The following CNKSR2 variants were observed in gnomAD, a reference collection of about 807,000 sequenced individuals.
The protein encoded by CNKSR2 is CNK homolog protein 2.
A neutral mutation model predicts 84.4 loss-of-function variants in CNKSR2; 14 were observed. The ratio of observed to expected loss-of-function variants is 0.17; its 90% CI spans 0.11 to 0.26. The LOEUF is 0.26. CNKSR2 is among the 10% of genes least tolerant of loss of function. The pLI, the probability that CNKSR2 is intolerant of heterozygous loss-of-function variation, is 1.00. For missense variants in CNKSR2, 485 were observed against 771.2 expected (o/e 0.63, Z 4.40); for synonymous variants, 275 against 277.9 (o/e 0.99, Z 0.10).
intron 21 of CNKSR2, among the ~76,000 whole-genome samples, chrX:21,650,299 ATCATCC>A (rs748752188): frequency 9.1e-6 from 1 of 109,949 alleles, no homozygotes; most frequent in East Asian, 2.9e-4. Flanking sequence ...GCTGGAAACC[ATCATCC>A]TCAGCAAACT....
At chrX:21,585,039 C>T (rs777738495) in intron 13 of CNKSR2, among the ~76,000 whole-genome samples, 42 of 107,876 alleles carry the variant, frequency 3.9e-4, no homozygotes, top group African/African-American at 4.7e-4. Context: ...CCCAGGAGTT[C>T]GAGACCAGCC....
At chrX:21,614,643 T>C (rs2092568387) in intron 20 of CNKSR2, among the ~76,000 whole-genome samples, 1 of 111,834 alleles carries the variant, frequency 8.9e-6, no homozygotes. Flanking sequence ...TATTGTCTGA[T>C]TTTGAAGAAA....
At chrX:21,647,148 T>C (rs186952319) in intron 20 of CNKSR2, among the ~76,000 whole-genome samples, 109 of 112,263 alleles carry the variant, frequency 9.7e-4, no homozygotes, top group African/African-American at 3.3e-3. Context: ...GTGATTTTTG[T>C]ATTTTTAGAT....
chrX:21,493,981 A>G (rs2091467586), intron 6 of CNKSR2: 1 of 111,812 alleles, frequency 8.9e-6, no homozygotes, highest in Non-Finnish European at 1.9e-5. Context: ...GTCTATATGT[A>G]GATACATCTC....
intron 20 of CNKSR2, among the ~76,000 whole-genome samples, chrX:21,629,922 A>G (rs2092640430): frequency 8.9e-6 from 1 of 112,573 alleles, no homozygotes; most frequent in Admixed American, 9.4e-5. Context: ...TTAACTTGCT[A>G]TTTCCATTCT....
At chrX:21,552,608 C>T (rs1267096364) in intron 11 of CNKSR2, among the ~76,000 whole-genome samples, 1 of 112,020 alleles carries the variant, frequency 8.9e-6, no homozygotes, top group African/African-American at 3.2e-5. Flanking sequence ...ATATTTAAGC[C>T]TGCCCAGCGG....
chrX:21,432,577 CT>C, intron 2 of CNKSR2, 34 bp from the exon 3 acceptor site: 5 of 975,929 alleles, frequency 5.1e-6, no homozygotes, highest in Non-Finnish European at 7.2e-6. Flanking sequence ...ATAAAACTGA[CT>C]TTAAATATAT....
At chrX:21,478,204 C>G (rs1171369279) in intron 5 of CNKSR2, among the ~76,000 whole-genome samples, 1 of 111,717 alleles carries the variant, frequency 9.0e-6, no homozygotes, top group Non-Finnish European at 1.9e-5. Flanking sequence ...AATGTGCTAA[C>G]AATATTGCTG....
intron 1 of CNKSR2, 57 bp from the exon 2 acceptor site, chrX:21,426,440 A>ACAT: frequency 9.2e-7 from 1 of 1,083,893 alleles, no homozygotes; most frequent in African/African-American, 1.8e-5. Flanking sequence ...CCCACCCTTC[A>ACAT]CATTTATTTG....
intron 8 of CNKSR2, chrX:21,505,104 A>G (rs1473752945): frequency 2.1e-5 from 4 of 194,447 alleles, no homozygotes; most frequent in Non-Finnish European, 3.8e-5. Flanking sequence ...TTATTGGGGC[A>G]TATTTATAAT....
chrX:21,645,417 A>G, intron 20 of CNKSR2: 1 of 112,196 alleles, frequency 8.9e-6, no homozygotes, highest in Non-Finnish European at 1.9e-5. Flanking sequence ...GGGGAAATTT[A>G]TTTCTGCATA....
At chrX:21,537,406 G>A (rs1198037657) in intron 11 of CNKSR2, among the ~76,000 whole-genome samples, 1 of 111,268 alleles carries the variant, frequency 9.0e-6, no homozygotes, top group Non-Finnish European at 1.9e-5. Context: ...GTTTAAGTCT[G>A]ACATTTCTGT....
intron 8 of CNKSR2, chrX:21,506,615 T>C (rs1256643855): frequency 8.9e-6 from 1 of 111,765 alleles, no homozygotes; most frequent in Admixed American, 9.5e-5. Context: ...TAAGTCCTTA[T>C]ATAAAGGAGA....
chrX:21,654,108 A>G lies in CNKSR2; in HGVS notation c.*1587A>G, dbSNP rs986131480. The stretch of plus-strand genomic sequence containing the variant: ...GCCTTTCTACAGCACATTTTCAGTA[A>G]TCCTATATTTAGTCAAAATGGATGA... On this transcript the variant is annotated 3_prime_UTR_variant, in exon 22 of 22. Coordinates refer to ENST00000379510, the MANE Select transcript of CNKSR2 (RefSeq NM_014927.5). The G allele has an allele frequency of 2.7e-5, 3 of 110,095 alleles. No individual in the cohort carries two copies. Among genetic ancestry groups the G allele is most frequent in the Non-Finnish European group, 5.7e-5 (3 of 52,744 alleles). 9.1% of individuals were successfully genotyped at this position (110,095 alleles called of 1,213,427 possible).
intron 8 of CNKSR2, among the ~76,000 whole-genome samples, chrX:21,509,324 C>A (rs73203338): frequency 0.037 from 4,160 of 111,722 alleles, 82 homozygotes; most frequent in Non-Finnish European, 0.059. Context: ...TGAAGAATGG[C>A]TCAATGAATA....
intron 5 of CNKSR2, 88 bp from the exon 6 acceptor site, chrX:21,490,371 T>C: frequency 1.1e-6 from 1 of 926,431 alleles, no homozygotes; most frequent in South Asian, 2.7e-5. Context: ...TGTTTATTTT[T>C]CCTTATGAAA....
intron 14 of CNKSR2, 54 bp from the exon 15 acceptor site, chrX:21,590,968 A>G (rs771925770): frequency 1.2e-5 from 13 of 1,046,430 alleles, no homozygotes; most frequent in Non-Finnish European, 1.7e-5. Context: ...TCTATAGATT[A>G]ATCCTCTACT....
intron 2 of CNKSR2, 94 bp downstream of exon 2, chrX:21,426,754 C>A: frequency 1.0e-6 from 1 of 966,617 alleles, no homozygotes; most frequent in African/African-American, 2.0e-5. Context: ...AATCGAAATG[C>A]AAATAGAAGA....
In CNKSR2 at chrX:21,572,377, G is replaced by T. The variant is rs749078636; in HGVS notation, c.1608+8925G>T. 2.7e-5 allele frequency among the ~76,000 whole-genome samples: 3 copies of T among 112,469 alleles called. No homozygotes were observed. In the South Asian group the frequency reaches 1.1e-3, roughly 41 times the overall value. ...AAATGAGTTTAAAAGGTTACAAATTGAATAATCATAAAATAATACATTCAT... is the reference window on the plus strand; with the variant it reads ...AAATGAGTTTAAAAGGTTACAAATTTAATAATCATAAAATAATACATTCAT... On this transcript the variant is annotated intron_variant, in intron 13 of 21. Coordinates refer to ENST00000379510, the MANE Select transcript of CNKSR2 (RefSeq NM_014927.5).
Sources: gnomAD v4.1 joint callset for allele counts (sites outside exome capture counted in the v4.1 genomes callset) on GRCh38, gnomAD v4.1.1 for gene constraint, MANE v1.5 for transcripts, NCBI Gene and HGNC (gene_info 2026-07-23, HGNC 2026-07-21) for gene names.